Variants in RIMS2 observed in about 807,000 individuals in gnomAD.
RIMS2 encodes the protein regulating synaptic membrane exocytosis protein 2.
In RIMS2, 59 loss-of-function variants were observed where a neutral mutation model predicts 174.4. The observed-to-expected ratio is 0.34, with a 90% CI of 0.27 to 0.42. RIMS2 has a LOEUF of 0.42. RIMS2 is among the 10% of genes least tolerant of loss of function. The pLI, the probability that RIMS2 is intolerant of heterozygous loss-of-function variation, is 1.00. For synonymous variants in RIMS2, 606 were observed against 572.5 expected (o/e 1.06, Z -0.84); for missense variants, 1,620 against 1,666.3 (o/e 0.97, Z 0.48).
At chr8:103,632,987 CCT>C (rs2095976776) in intron 1 of RIMS2, among the ~76,000 whole-genome samples, 1 of 151,138 alleles carries the variant, frequency 6.6e-6, no homozygotes, top group African/African-American at 2.4e-5. Flanking sequence ...CCCACCTTGG[CCT>C]CCCAAAGTGC....
intron 3 of RIMS2, among the ~76,000 whole-genome samples, chr8:103,864,040 C>G (rs762070067): frequency 5.9e-5 from 9 of 152,010 alleles, no homozygotes; most frequent in Non-Finnish European, 1.0e-4. Context: ...CCCAGAGCAG[C>G]TGGGACTACA....
intron 2 of RIMS2, among the ~76,000 whole-genome samples, chr8:103,725,429 C>T (rs1321359979): frequency 6.6e-6 from 1 of 152,084 alleles, no homozygotes; most frequent in Non-Finnish European, 1.5e-5. Flanking sequence ...CCCTTCTGAC[C>T]TTATTACCAT....
chr8:103,714,683 C>T (rs1176678), intron 2 of RIMS2, among the ~76,000 whole-genome samples: 123,496 of 152,080 alleles, frequency 0.81, 50,628 homozygotes, highest in African/African-American at 0.92. Flanking sequence ...AATGATGCCA[C>T]GATAAGAGGA....
At chr8:103,919,386 G>A (rs922481246) in intron 9 of RIMS2, among the ~76,000 whole-genome samples, 1 of 151,942 alleles carries the variant, frequency 6.6e-6, no homozygotes, top group Non-Finnish European at 1.5e-5. Context: ...GAGGACAGAG[G>A]AATAATGGGC....
chr8:103,999,936 G>T (rs956363624), intron 17 of RIMS2, among the ~76,000 whole-genome samples: 2 of 151,656 alleles, frequency 1.3e-5, no homozygotes, highest in Non-Finnish European at 3.0e-5. Flanking sequence ...GATCATTAAT[G>T]TTTATATTAA....
chr8:103,899,328 A>T (rs1446350111), intron 4 of RIMS2, among the ~76,000 whole-genome samples: 3 of 151,786 alleles, frequency 2.0e-5, no homozygotes, highest in African/African-American at 7.3e-5. Context: ...ACTAGTTTAC[A>T]GTCCTACCAA....
At chr8:103,970,277 G>A (rs2092715028) in intron 15 of RIMS2, among the ~76,000 whole-genome samples, 1 of 152,182 alleles carries the variant, frequency 6.6e-6, no homozygotes, top group South Asian at 2.1e-4. Flanking sequence ...GATGGTTAGA[G>A]TGGGCTGGAA....
At chr8:103,543,760 C>A (rs1016078203) in intron 1 of RIMS2, among the ~76,000 whole-genome samples, 1 of 152,140 alleles carries the variant, frequency 6.6e-6, no homozygotes, top group African/African-American at 2.4e-5. Context: ...GCAATCTCTT[C>A]AATAAATGGT....
intron 3 of RIMS2, among the ~76,000 whole-genome samples, chr8:103,823,311 A>G (rs970086113): frequency 6.6e-6 from 1 of 151,974 alleles, no homozygotes; most frequent in Non-Finnish European, 1.5e-5. Context: ...ATATTAGTAG[A>G]CAGAAGAATA....
chr8:104,014,267 A>T lies in RIMS2; in HGVS notation c.3225-239A>T, dbSNP rs2095843648. On this transcript the variant is annotated intron_variant, in intron 18 of 23. Coordinates refer to ENST00000504942, the Ensembl canonical transcript of RIMS2. ...CTAATTTACATTAATAATTCCATGG[A>T]TGTTACTGTAGGGTTTTGTGTGCAT... 2.0e-5 allele frequency among the ~76,000 whole-genome samples: 3 copies of T among 152,196 alleles called. No individual in the cohort carries two copies. In the South Asian group the frequency reaches 6.2e-4, roughly 32 times the overall value.
chr8:104,065,794 T>C (rs1344696751), intron 19 of RIMS2, among the ~76,000 whole-genome samples: 1 of 152,148 alleles, frequency 6.6e-6, no homozygotes, highest in Admixed American at 6.6e-5. Flanking sequence ...GAACTGTCTA[T>C]AGATGATGAT....
chr8:104,148,742 C>G lies in RIMS2; in HGVS notation c.3335-96174C>G, dbSNP rs758423172. ...GCCAGTCTGACACTGCAGTGGGCAC[C>G]TTGGGCACCAGTGGCAAAAAGCGGC... is the stretch of plus-strand genomic sequence containing the variant. On this transcript the variant is annotated intron_variant, in intron 19 of 23. Transcript: ENST00000504942. The G allele has an allele frequency of 2.5e-6, 4 of 1,598,286 alleles. No individual in the cohort carries two copies. The Admixed American group carries it at 6.7e-5, about 27-fold the overall frequency.
intron 17 of RIMS2, among the ~76,000 whole-genome samples, chr8:104,010,429 A>G (rs1244254313): frequency 6.6e-6 from 1 of 152,072 alleles, no homozygotes; most frequent in African/African-American, 2.4e-5. Context: ...ATTGTGGCCT[A>G]TTGTCAGTTC....
chr8:103,963,349 G>T (rs2090788993), intron 15 of RIMS2, among the ~76,000 whole-genome samples: 1 of 152,058 alleles, frequency 6.6e-6, no homozygotes, highest in South Asian at 2.1e-4. Flanking sequence ...TATATGCAGA[G>T]ATTTCTTTCC....
At chr8:103,624,600 C>T (rs1373091192) in intron 1 of RIMS2, among the ~76,000 whole-genome samples, 1 of 152,158 alleles carries the variant, frequency 6.6e-6, no homozygotes, top group Non-Finnish European at 1.5e-5. Context: ...AATAATCTAA[C>T]TTTGCTATAC....
At chr8:104,030,011 A>G (rs78297043) in intron 19 of RIMS2, among the ~76,000 whole-genome samples, 1,982 of 152,254 alleles carry the variant, frequency 0.013, 27 homozygotes, top group Middle Eastern at 0.11. Flanking sequence ...TGTATCCAAA[A>G]TCACCTATAT....
chr8:104,013,551 A>G (rs1184358285), exon 18 of RIMS2: 46 of 1,613,764 alleles, frequency 2.9e-5, no homozygotes, highest in Non-Finnish European at 3.9e-5. Flanking sequence ...ACGTCCTGAT[A>G]CAAACCTCAT....
chr8:104,153,198 T>G (rs1370383166), intron 19 of RIMS2, among the ~76,000 whole-genome samples: 2 of 152,160 alleles, frequency 1.3e-5, no homozygotes, highest in Non-Finnish European at 1.5e-5. Flanking sequence ...ACTCATCTTT[T>G]AAATCACTGT....
intron 1 of RIMS2, among the ~76,000 whole-genome samples, chr8:103,578,344 A>T (rs1475519573): frequency 6.6e-6 from 1 of 152,118 alleles, no homozygotes; most frequent in Admixed American, 6.5e-5. Flanking sequence ...AGACAGCCCA[A>T]CATGGTGAAA....
Sources: gnomAD v4.1 joint callset for allele counts (sites outside exome capture counted in the v4.1 genomes callset) on GRCh38, gnomAD v4.1.1 for gene constraint, MANE v1.5 for transcripts, NCBI Gene and HGNC (gene_info 2026-07-23, HGNC 2026-07-21) for gene names.